Variants in INPP5F observed in about 807,000 individuals in gnomAD.
The protein encoded by INPP5F is phosphatidylinositide 4-phosphatase SAC2.
Under a neutral mutation model 137.2 loss-of-function variants are expected in INPP5F, and 97 were observed. The observed-to-expected ratio is 0.71, with a 90% CI of 0.60 to 0.84. The LOEUF (loss-of-function observed/expected upper bound fraction) is 0.84, where lower values mean the gene tolerates loss of function less well. INPP5F is among the 40% of genes least tolerant of loss of function. INPP5F has a pLI of 0.00. For missense variants in INPP5F, 1,271 were observed against 1,371.9 expected, an observed-to-expected ratio of 0.93 and a Z score of 1.16; for synonymous variants, 504 against 476.9, an observed-to-expected ratio of 1.06 and a Z score of -0.74.
intron 14 of INPP5F, among the ~76,000 whole-genome samples, chr10:119,811,534 A>C (rs1851030382): frequency 6.6e-6 from 1 of 152,178 alleles, no homozygotes; most frequent in Non-Finnish European, 1.5e-5. Flanking sequence ...TTTGAAACAC[A>C]GTTTTTAATT....
At chr10:119,795,375 G>A (rs1850332589) in intron 6 of INPP5F, among the ~76,000 whole-genome samples, 1 of 151,142 alleles carries the variant, frequency 6.6e-6, no homozygotes, top group Non-Finnish European at 1.5e-5. Flanking sequence ...GCGGCTGCCA[G>A]GCGGAGGGGC....
In INPP5F at chr10:119,726,067, G is replaced by A. The variant is rs1297692048; in HGVS notation, c.-196G>A. The A allele has an allele frequency of 2.7e-6, 1 of 365,676 alleles. No homozygotes were observed. The highest frequency in any genetic ancestry group is 4.9e-6 in the Non-Finnish European group (1 of 206,016). The allele number at this position is 365,676 out of a possible 1,614,324, so 22.7% of individuals were successfully genotyped here. On this transcript the variant is annotated 5_prime_UTR_variant, in exon 1 of 20. Transcript: ENST00000650623. ...GCGGGGGGGAGAGGCCTCTACGGCC[G>A]CCGCTGCCGCCGCCGCTGCCGGGGC... is the stretch of plus-strand genomic sequence containing the variant.
rs1255092877 is a variant in INPP5F at position 119,748,541 on chromosome 10, C to T, written c.98-2535C>T. On this transcript the variant is annotated intron_variant, in intron 1 of 19. Transcript: ENST00000650623. This position sits in a 1 kb window ranked among gnomAD's most constrained non-coding sequence, Gnocchi z 4.7. ...GGAGGGGGAGCAAGGCAGAGAGCAG[C>T]TTCATTGAGCCCCAGAAGAGCTCTC... Among the ~76,000 whole-genome samples the T allele has an allele frequency of 6.6e-6, 1 of 152,244 alleles. No individual in the cohort carries two copies. The highest frequency in any genetic ancestry group is 2.4e-5 in the African/African-American group (1 of 41,544).
At chr10:119,734,535 A>G (rs1848169239) in intron 1 of INPP5F, among the ~76,000 whole-genome samples, 1 of 152,032 alleles carries the variant, frequency 6.6e-6, no homozygotes. Flanking sequence ...GGGTCTCACT[A>G]TGTTGGCCAG....
At chr10:119,754,907 G>A (rs1564809773) in intron 2 of INPP5F, among the ~76,000 whole-genome samples, 2 of 152,160 alleles carry the variant, frequency 1.3e-5, no homozygotes, top group Non-Finnish European at 2.9e-5. Flanking sequence ...TACTTCAGGG[G>A]CATTTTCCCC....
rs1321456429 is a variant in INPP5F at position 119,827,066 on chromosome 10, T to C, written c.2685T>C (p.Ile895=). ...IDYVLPSCGI[I]ASAPRLGSRS... is the part of the protein sequence containing the mutation. ...ACGTTCTTCCTAGTTGTGGTATTATTGCCTCAGCGCCTCGATTGGGCAGTC... is the reference window on the plus strand; with the variant it reads ...ACGTTCTTCCTAGTTGTGGTATTATCGCCTCAGCGCCTCGATTGGGCAGTC... Residue 895 remains isoleucine, a synonymous_variant, in exon 20 of 20, where the codon ATT becomes ATC. Transcript: ENST00000650623. 6.2e-7 allele frequency: 1 copy of C among 1,614,170 alleles called. No homozygotes were observed. The highest frequency in any genetic ancestry group is 1.7e-5 in the Admixed American group (1 of 60,022).
chr10:119,752,602 A>AG (rs1375105689), intron 2 of INPP5F, among the ~76,000 whole-genome samples: 1 of 151,674 alleles, frequency 6.6e-6, no homozygotes, highest in Non-Finnish European at 1.5e-5. Context: ...AAAAAAAAAA[A>AG]AGAAATGAAA....
intron 3 of INPP5F, among the ~76,000 whole-genome samples, chr10:119,785,286 GTTTTTTTTTT>G (rs71019717): frequency 9.4e-6 from 1 of 106,228 alleles, no homozygotes; most frequent in Non-Finnish European, 1.9e-5. Flanking sequence ...CTGCCAGACT[GTTTTTTTTTT>G]TTTTTTGGAG....
At chr10:119,794,514 C>A (rs1052528091) in intron 6 of INPP5F, among the ~76,000 whole-genome samples, 2 of 151,962 alleles carry the variant, frequency 1.3e-5, no homozygotes. Flanking sequence ...CATCATGGCC[C>A]GTTCTCAATG....
Position 119,810,143 on chromosome 10 carries a change from T to C in INPP5F, c.1613T>C (p.Met538Thr), listed in dbSNP as rs761834313. ...GGAGAAAGGAAGTTAGCAGGAGTTA[T>C]GAAAGATGGAGTGAACTCAGCAAAC... The part of the protein sequence containing the change: ...RTGERKLAGV[M>T]KDGVNSANRY... The change falls in exon 14 of 20, where the codon ATG becomes ACG. Residue 538 changes from methionine (M) to threonine (T), a missense_variant. Met to Thr is a moderately conservative substitution (Grantham distance 81). Transcript: ENST00000650623. The C allele has an allele frequency of 1.2e-6, 2 of 1,613,466 alleles. No homozygotes were observed. Among genetic ancestry groups the C allele is most frequent in the South Asian group, 2.2e-5 (2 of 91,058 alleles).
intron 2 of INPP5F, among the ~76,000 whole-genome samples, chr10:119,770,072 G>A (rs562491950): frequency 1.3e-5 from 2 of 152,108 alleles, no homozygotes; most frequent in African/African-American, 4.8e-5. Context: ...TCTTTTCCAG[G>A]ACTATTGTTT....
intron 9 of INPP5F, among the ~76,000 whole-genome samples, chr10:119,800,062 ATAT>A (rs1564839603): frequency 6.6e-6 from 1 of 151,614 alleles, no homozygotes; most frequent in Non-Finnish European, 1.5e-5. Flanking sequence ...ACTGTTGTAA[ATAT>A]TATTAAAATT....
chr10:119,807,205 G>A (rs908817133), intron 12 of INPP5F, among the ~76,000 whole-genome samples: 5 of 152,100 alleles, frequency 3.3e-5, no homozygotes, highest in African/African-American at 9.7e-5. Flanking sequence ...CCCAGGAGGC[G>A]GAGGTTGTAG....
rs1851049362 is a variant in INPP5F at position 119,811,883 on chromosome 10, G to C, written c.1814G>C (p.Ser605Thr). 1 of 1,614,068 alleles carries C rather than the reference G, an allele frequency of 6.2e-7. No homozygotes were observed. The highest frequency in any genetic ancestry group is 8.5e-7 in the Non-Finnish European group (1 of 1,180,018). Reference sequence around the variant, plus strand: ...GAACTAATTAGCCAGCTCTTACAAAGTTACATGAAGTTACTACTGCCTGAT... The same window carrying C: ...GAACTAATTAGCCAGCTCTTACAAACTTACATGAAGTTACTACTGCCTGAT... ...HQELISQLLQ[S>T]YMKLLLPDDE... The change falls in exon 15 of 20, where the codon AGT (serine) becomes ACT (threonine). Residue 605 changes from serine (S) to threonine (T), a missense_variant. Ser to Thr is a moderately conservative substitution (Grantham distance 58). Coordinates refer to ENST00000650623, the MANE Select transcript of INPP5F (RefSeq NM_014937.4).
chr10:119,826,260 T>A (rs1316473610), intron 19 of INPP5F, among the ~76,000 whole-genome samples: 1 of 152,240 alleles, frequency 6.6e-6, no homozygotes, highest in Non-Finnish European at 1.5e-5. Context: ...CTAGGCTGAA[T>A]TCAGGTGTGC....
intron 16 of INPP5F, among the ~76,000 whole-genome samples, chr10:119,821,655 A>T (rs1234097571): frequency 6.6e-6 from 1 of 151,858 alleles, no homozygotes; most frequent in Non-Finnish European, 1.5e-5. Flanking sequence ...TAACAGCTGT[A>T]TTGTTCCCAA....
intron 1 of INPP5F, among the ~76,000 whole-genome samples, chr10:119,728,768 C>T (rs896538637): frequency 3.3e-5 from 5 of 152,216 alleles, no homozygotes; most frequent in Admixed American, 2.6e-4. Flanking sequence ...CCTACCTAGT[C>T]CATTCCATAA....
At chr10:119,795,576 C>A (rs1464380744) in intron 6 of INPP5F, among the ~76,000 whole-genome samples, 1 of 151,018 alleles carries the variant, frequency 6.6e-6, no homozygotes, top group African/African-American at 2.4e-5. Context: ...CGGGCAGAGA[C>A]GCTCCTCACT....
chr10:119,798,638 G>A (rs1300058183), intron 9 of INPP5F, 28 bp downstream of exon 9: 4 of 1,476,672 alleles, frequency 2.7e-6, no homozygotes, highest in South Asian at 2.3e-5. Context: ...GTAGTAAAAT[G>A]TTCCTTCATC....
Sources: allele counts gnomAD v4.1 joint callset (sites outside exome capture counted in the v4.1 genomes callset), GRCh38; gene constraint gnomAD v4.1.1; non-coding constraint Gnocchi (gnomAD v3.1); transcripts MANE v1.5; gene names NCBI Gene and HGNC (gene_info 2026-07-23, HGNC 2026-07-21).